The following MMP20 variants were observed in gnomAD, a reference collection of about 807,000 sequenced individuals.
MMP20 encodes the protein matrix metallopeptidase 20.
MMP20 carries 50 observed loss-of-function variants against 51.8 expected under a neutral mutation model. That is an observed-to-expected ratio of 0.97 (90% confidence interval 0.77 to 1.22). MMP20 has a LOEUF of 1.22. Among genes scored for constraint, MMP20 ranks in the 50% most tolerant of loss-of-function variants. The pLI is 0.00. For missense variants in MMP20, 663 were observed against 601.4 expected, an observed-to-expected ratio of 1.10 and a Z score of -1.07; for synonymous variants, 244 against 216.2, an observed-to-expected ratio of 1.13 and a Z score of -1.13.
At chr11:102,622,252 C>A (rs2135950014) in intron 1 of MMP20, among the ~76,000 whole-genome samples, 1 of 152,230 alleles carries the variant, frequency 6.6e-6, no homozygotes, top group South Asian at 2.1e-4. Context: ...TTTGTTCTTT[C>A]TTAGCGAGTG....
In MMP20 at chr11:102,577,536, A is replaced by T. The variant is rs187144464; in HGVS notation, c.1352-110T>A. The T allele has an allele frequency of 2.1e-4, 167 of 785,022 alleles. No individual in the cohort carries two copies. The East Asian group carries it at 4.5e-3, about 21-fold the overall frequency. 48.6% of individuals were successfully genotyped at this position (785,022 alleles called of 1,614,324 possible). A position where few individuals can be genotyped will look rare whatever the true frequency, so the allele number is the denominator to read the frequency against. On this transcript the variant is annotated intron_variant, in intron 9 of 9. Transcript: ENST00000260228. ...AAGTGTCACCAAAGAGGAATTGTGA[A>T]TTTGTCAGGTGGCAGTTAGCTTGTC...
rs79044822 is a variant in MMP20, at chr11:102,620,345, A to G, written c.127-3286T>C. On this transcript the variant is annotated intron_variant, in intron 1 of 9. Coordinates refer to ENST00000260228, the MANE Select transcript of MMP20 (RefSeq NM_004771.4). ...TTTTGGCATACTTTTCACTGTCACA[A>G]TATTCTATCAGGCACTTAGGTGTGT... 6.9e-3 allele frequency among the ~76,000 whole-genome samples: 1,056 copies of G among 152,284 alleles called. 16 individuals carry two copies. The highest frequency in any genetic ancestry group is 0.024 in the African/African-American group (982 of 41,554).
intron 6 of MMP20, 130 bp downstream of exon 6, chr11:102,606,405 C>G (rs1488029492): frequency 8.0e-7 from 1 of 1,247,494 alleles, no homozygotes; most frequent in Non-Finnish European, 1.1e-6. Context: ...CTGCCTACCA[C>G]CCTTCTGCTG....
At chr11:102,598,931 C>T (rs1367813102) in intron 6 of MMP20, among the ~76,000 whole-genome samples, 1 of 151,980 alleles carries the variant, frequency 6.6e-6, no homozygotes, top group East Asian at 1.9e-4. Flanking sequence ...CAATTTTCAT[C>T]GTCTTTAGTC....
At chr11:102,612,005 T>C (rs1859607542) in intron 2 of MMP20, 102 bp from the exon 3 acceptor site, 1 of 1,142,024 alleles carries the variant, frequency 8.8e-7, no homozygotes, top group Non-Finnish European at 1.3e-6. Flanking sequence ...ATCTACAATT[T>C]AGATTTTTCT....
chr11:102,606,031 A>G (rs981203960), intron 6 of MMP20, among the ~76,000 whole-genome samples: 5 of 152,204 alleles, frequency 3.3e-5, no homozygotes, highest in African/African-American at 1.2e-4. Flanking sequence ...TCATCCATCC[A>G]TCCATCCATC....
At chr11:102,622,344 G>A (rs1052125384) in intron 1 of MMP20, among the ~76,000 whole-genome samples, 14 of 152,134 alleles carry the variant, frequency 9.2e-5, no homozygotes, top group African/African-American at 3.1e-4. Context: ...AGGCACCAGA[G>A]GACCTGCTGG....
At chr11:102,602,749 T>C (rs1859465306) in intron 6 of MMP20, among the ~76,000 whole-genome samples, 1 of 152,204 alleles carries the variant, frequency 6.6e-6, no homozygotes, top group Admixed American at 6.5e-5. Context: ...CTTACTCTAT[T>C]TGTAAAACCT....
rs1859342889 is a variant in MMP20 at position 102,593,505 on chromosome 11, A to G, written c.1181T>C (p.Ile394Thr). Residue 394 changes from isoleucine to threonine, a missense_variant, in exon 8 of 10, where the codon ATA (isoleucine) becomes ACA (threonine). Physicochemically the swap from Ile to Thr is moderately conservative, Grantham distance 89. Transcript: ENST00000260228. The stretch of plus-strand genomic sequence containing the variant: ...CTCCCTGAGGTAGACAGCAGCATCT[A>G]TTTGCTGCACGTGCCTTGGAAATCC... ...DFGFPRHVQQ[I>T]DAAVYLREPQ... 1.9e-6 allele frequency: 3 copies of G among 1,614,042 alleles called. No individual in the cohort carries two copies. The African/African-American group carries it at 4.0e-5, about 22-fold the overall frequency.
chr11:102,589,129 C>T (rs1195439552), intron 8 of MMP20, among the ~76,000 whole-genome samples: 4 of 152,178 alleles, frequency 2.6e-5, no homozygotes, highest in African/African-American at 7.2e-5. Context: ...CTTGGGCCAT[C>T]GTTCTGATTT....
intron 6 of MMP20, among the ~76,000 whole-genome samples, chr11:102,596,731 G>A (rs1859385580): frequency 6.6e-6 from 1 of 152,210 alleles, no homozygotes; most frequent in Non-Finnish European, 1.5e-5. Flanking sequence ...GCTGCCTTGA[G>A]GTTAGTCACA....
At chr11:102,581,308 C>A (rs2135927819) in intron 8 of MMP20, among the ~76,000 whole-genome samples, 1 of 152,256 alleles carries the variant, frequency 6.6e-6, no homozygotes, top group Non-Finnish European at 1.5e-5. Context: ...GAGTGAACTT[C>A]ATGGTTTGAT....
chr11:102,602,077 G>T (rs1591615935), intron 6 of MMP20, among the ~76,000 whole-genome samples: 1 of 145,446 alleles, frequency 6.9e-6, no homozygotes, highest in Admixed American at 6.9e-5. Context: ...AGCCTCCCGA[G>T]TAGCTGGGAT....
intron 8 of MMP20, among the ~76,000 whole-genome samples, chr11:102,581,872 TA>T (rs1046397275): frequency 2.6e-5 from 4 of 152,170 alleles, no homozygotes; most frequent in African/African-American, 7.2e-5. Flanking sequence ...ATTAAGGAAA[TA>T]AATACAATTT....
intron 6 of MMP20, among the ~76,000 whole-genome samples, chr11:102,603,338 T>A (rs1711431): frequency 0.67 from 102,032 of 152,070 alleles, 34,342 homozygotes; most frequent in East Asian, 0.71. Flanking sequence ...ACTCTGGGAC[T>A]TTTAGCGGCA....
chr11:102,606,821 G>A (rs1353734405), intron 5 of MMP20, 145 bp from the exon 6 acceptor site: 16 of 928,158 alleles, frequency 1.7e-5, no homozygotes, highest in African/African-American at 6.4e-5. Flanking sequence ...ATGGGTTTGA[G>A]TCCCGGCTCT....
chr11:102,592,362 C>T (rs951421815), intron 8 of MMP20, among the ~76,000 whole-genome samples: 1 of 152,014 alleles, frequency 6.6e-6, no homozygotes, highest in Admixed American at 6.6e-5. Context: ...TCTCAGTGGC[C>T]CAGAAGAGTC....
chr11:102,623,488 G>A (rs946406978), intron 1 of MMP20, among the ~76,000 whole-genome samples: 2 of 152,162 alleles, frequency 1.3e-5, no homozygotes, highest in Admixed American at 1.3e-4. Flanking sequence ...GATCTGAGGT[G>A]GAACAGTTTC....
At chr11:102,618,159 C>T (rs1344397013) in intron 1 of MMP20, among the ~76,000 whole-genome samples, 1 of 152,036 alleles carries the variant, frequency 6.6e-6, no homozygotes, top group Non-Finnish European at 1.5e-5. Flanking sequence ...AAAAAAATGT[C>T]TGTTTTGAAC....
Sources: gnomAD v4.1 joint callset for allele counts (sites outside exome capture counted in the v4.1 genomes callset) on GRCh38, gnomAD v4.1.1 for gene constraint, MANE v1.5 for transcripts, NCBI Gene and HGNC (gene_info 2026-07-23, HGNC 2026-07-21) for gene names.